The following SOX6 variants were observed in gnomAD, a reference collection of about 807,000 sequenced individuals.
The protein encoded by SOX6 is SRY-box transcription factor 6, also known as transcription factor SOX-6.
Under a neutral mutation model 97.8 loss-of-function variants are expected in SOX6, and 11 were observed. The ratio of observed to expected loss-of-function variants is 0.11; its 90% confidence interval spans 0.07 to 0.19. The LOEUF (loss-of-function observed/expected upper bound fraction) is 0.19. Ranked by LOEUF, SOX6 falls within the 10% of genes least tolerant of loss-of-function variation. The pLI is 1.00. For missense variants in SOX6, 810 were observed against 1,039.5 expected, an observed-to-expected ratio of 0.78 and a Z score of 3.04; for synonymous variants, 360 against 371.4, an observed-to-expected ratio of 0.97 and a Z score of 0.35.
At chr11:16,227,329 C>T (rs552544235) in intron 4 of SOX6, among the ~76,000 whole-genome samples, 9 of 152,292 alleles carry the variant, frequency 5.9e-5, no homozygotes, top group Admixed American at 5.2e-4. Flanking sequence ...CCCTGTACAA[C>T]ATCTCTGCTT....
At chr11:16,100,754 T>TAAA (rs796260198) in intron 7 of SOX6, among the ~76,000 whole-genome samples, 1 of 138,580 alleles carries the variant, frequency 7.2e-6, no homozygotes, top group African/African-American at 2.6e-5. Flanking sequence ...GTCTACCTTT[T>TAAA]AAAAAAAAAA....
chr11:16,272,349 C>T (rs893816747), intron 3 of SOX6, among the ~76,000 whole-genome samples: 4 of 151,560 alleles, frequency 2.6e-5, no homozygotes, highest in African/African-American at 9.7e-5. Context: ...TGATTAAATC[C>T]ATAAATAATT....
At chr11:16,105,253 A>G (rs1296482476) in intron 7 of SOX6, among the ~76,000 whole-genome samples, 1 of 152,092 alleles carries the variant, frequency 6.6e-6, no homozygotes, top group Non-Finnish European at 1.5e-5. Flanking sequence ...CAAGCATTAC[A>G]TTAATAGAAC....
chr11:16,715,771 T>G (rs1390993748), intron 2 of SOX6, among the ~76,000 whole-genome samples: 1 of 152,104 alleles, frequency 6.6e-6, no homozygotes, highest in Non-Finnish European at 1.5e-5. Flanking sequence ...AAACAATAGT[T>G]TAATGGTTTT....
chr11:16,499,260 C>A (rs986779277), intron 4 of SOX6, among the ~76,000 whole-genome samples: 1 of 152,012 alleles, frequency 6.6e-6, no homozygotes, highest in Non-Finnish European at 1.5e-5. Flanking sequence ...TTGAAACCAA[C>A]GAGAACAAAG....
At chr11:16,510,093 T>C (rs1860853659) in intron 4 of SOX6, among the ~76,000 whole-genome samples, 1 of 152,030 alleles carries the variant, frequency 6.6e-6, no homozygotes, top group South Asian at 2.1e-4. Context: ...TAATGTCATA[T>C]CAAAACAAAC....
At chr11:16,341,610 A>C (rs1418362733) in intron 1 of SOX6, among the ~76,000 whole-genome samples, 1 of 152,106 alleles carries the variant, frequency 6.6e-6, no homozygotes, top group East Asian at 1.9e-4. Context: ...GATAGTTAGC[A>C]ATGGAAAAAA....
At chr11:16,003,465 A>G (rs1164415179) in intron 13 of SOX6, among the ~76,000 whole-genome samples, 2 of 152,050 alleles carry the variant, frequency 1.3e-5, no homozygotes, top group Admixed American at 6.6e-5. Context: ...AACATTTGCC[A>G]TATTTTATCC....
intron 3 of SOX6, among the ~76,000 whole-genome samples, chr11:16,250,835 A>G (rs1336384513): frequency 6.6e-6 from 1 of 152,120 alleles, no homozygotes; most frequent in African/African-American, 2.4e-5. Context: ...ATTCACATAT[A>G]TCAAACATTA....
At chr11:16,059,199 A>G (rs1375246626) in intron 9 of SOX6, among the ~76,000 whole-genome samples, 1 of 152,026 alleles carries the variant, frequency 6.6e-6, no homozygotes. Context: ...TTAACCATCA[A>G]TTTACTAGGA....
At chr11:16,427,163 A>C (rs1020400473) in intron 1 of SOX6, among the ~76,000 whole-genome samples, 3 of 152,070 alleles carry the variant, frequency 2.0e-5, no homozygotes. Flanking sequence ...ACAGTAAAAG[A>C]AGCTATCAAC....
intron 4 of SOX6, among the ~76,000 whole-genome samples, chr11:16,563,160 A>G (rs1008943290): frequency 1.3e-5 from 2 of 152,236 alleles, no homozygotes; most frequent in African/African-American, 4.8e-5. Context: ...ATAAATGAGC[A>G]ATTATGAACC....
intron 3 of SOX6, among the ~76,000 whole-genome samples, chr11:16,692,526 T>C (rs1848023687): frequency 6.6e-6 from 1 of 152,176 alleles, no homozygotes; most frequent in Non-Finnish European, 1.5e-5. Context: ...CTAGGTCCCA[T>C]ATCCAAACTT....
chr11:16,496,091 G>C (rs1860590769), intron 4 of SOX6, among the ~76,000 whole-genome samples: 1 of 152,156 alleles, frequency 6.6e-6, no homozygotes, highest in African/African-American at 2.4e-5. Flanking sequence ...AGAGTCCTCT[G>C]CTATAAATGT....
chr11:16,435,344 G>A lies in SOX6; in HGVS notation c.-5+40971C>T, dbSNP rs192947811. Among the ~76,000 whole-genome samples, 834 of 152,094 alleles carry A rather than the reference G, an allele frequency of 5.5e-3. 2 individuals are homozygous for A. Among genetic ancestry groups the A allele is most frequent in the Non-Finnish European group, 8.6e-3 (584 of 67,984 alleles). ...TGGTTCTATATCTTTTGCAAATTCC[G>A]AATTATCTTTAAATTGTCTTCACAT... On this transcript the variant is annotated intron_variant, in intron 1 of 15. Transcript: ENST00000396356.
chr11:16,079,035 G>A (rs981848389), intron 9 of SOX6, among the ~76,000 whole-genome samples: 1 of 152,106 alleles, frequency 6.6e-6, no homozygotes, highest in Non-Finnish European at 1.5e-5. Flanking sequence ...GAGTTTCTGA[G>A]TTTCTACGAA....
At chr11:16,388,115 T>G (rs961723287) in intron 1 of SOX6, among the ~76,000 whole-genome samples, 7 of 152,182 alleles carry the variant, frequency 4.6e-5, no homozygotes, top group African/African-American at 1.7e-4. Context: ...AGTTTTATTA[T>G]ATTCCTAGAT....
At chr11:16,179,683 G>T (rs952464152) in intron 6 of SOX6, among the ~76,000 whole-genome samples, 13 of 151,754 alleles carry the variant, frequency 8.6e-5, no homozygotes, top group African/African-American at 2.9e-4. Context: ...CAAGTCTCAC[G>T]ATTTTACCCA....
At chr11:16,623,421 T>G (rs1219596128) in intron 3 of SOX6, among the ~76,000 whole-genome samples, 7 of 151,632 alleles carry the variant, frequency 4.6e-5, no homozygotes, top group Non-Finnish European at 1.0e-4. Flanking sequence ...TTTTTTTTTC[T>G]TGCTAATTTG....
Sources: gnomAD v4.1 joint callset for allele counts (sites outside exome capture counted in the v4.1 genomes callset) on GRCh38, gnomAD v4.1.1 for gene constraint, MANE v1.5 for transcripts, NCBI Gene and HGNC (gene_info 2026-07-23, HGNC 2026-07-21) for gene names.